GJB7: variants seen among roughly 807,000 people sequenced by gnomAD.
The protein encoded by GJB7 is gap junction protein beta 7.
For synonymous variants in GJB7, 87 were observed against 95.2 expected, an observed-to-expected ratio of 0.91 and a Z score of 0.50; for missense variants, 253 against 256.8, an observed-to-expected ratio of 0.99 and a Z score of 0.10.
At chr6:87,302,616 G>A (rs1016024097) in intron 2 of GJB7, among the ~76,000 whole-genome samples, 1 of 152,154 alleles carries the variant, frequency 6.6e-6, no homozygotes. Flanking sequence ...AGGATATTAT[G>A]CAGGAGAACT....
At chr6:87,294,358 A>G (rs1039629526) in intron 2 of GJB7, among the ~76,000 whole-genome samples, 6 of 152,236 alleles carry the variant, frequency 3.9e-5, no homozygotes, top group African/African-American at 1.2e-4. Context: ...TGAACCACAC[A>G]AGGGTGGAGG....
At chr6:87,326,947 G>T (rs550268285) in intron 1 of GJB7, among the ~76,000 whole-genome samples, 76 of 107,978 alleles carry the variant, frequency 7.0e-4, no homozygotes, top group African/African-American at 2.8e-3. Context: ...GAATCTGGGT[G>T]CTCCTGTATT....
intron 2 of GJB7, among the ~76,000 whole-genome samples, chr6:87,294,343 C>A (rs1283869589): frequency 2.0e-5 from 3 of 152,206 alleles, no homozygotes; most frequent in Admixed American, 2.0e-4. Context: ...GTGTGTCCCC[C>A]TCAATGAACC....
At chr6:87,294,910 G>A (rs1407325569) in intron 2 of GJB7, among the ~76,000 whole-genome samples, 1 of 152,166 alleles carries the variant, frequency 6.6e-6, no homozygotes, top group East Asian at 1.9e-4. Flanking sequence ...TGGAATCCTG[G>A]ACTTATTTCT....
chr6:87,315,813 A>AAG lies in GJB7; in HGVS notation c.-28+7052_-28+7053insCT, dbSNP rs1554214350. On this transcript the variant is annotated intron_variant, in intron 2 of 2. Transcript: ENST00000525899. Reference sequence around the variant, plus strand: ...TCTATCTCAAAAAAAAAAAAAAAAAAAAAGAAAGAAAGAAAGAAACAGAAT... The same window carrying AAG: ...TCTATCTCAAAAAAAAAAAAAAAAAAAGAAAGAAAGAAAGAAAGAAACAGAAT... Among the ~76,000 whole-genome samples the AAG allele has an allele frequency of 4.2e-3, 623 of 148,486 alleles. 1 individual carries two copies. Among genetic ancestry groups the AAG allele is most frequent in the African/African-American group, 0.015 (594 of 38,994 alleles).
At chr6:87,325,955 G>T (rs2127916153) in intron 1 of GJB7, among the ~76,000 whole-genome samples, 1 of 152,306 alleles carries the variant, frequency 6.6e-6, no homozygotes, top group East Asian at 1.9e-4. Flanking sequence ...CCTGTTATTG[G>T]TCTATTAAGA....
At chr6:87,291,229 C>T (rs917365189) in intron 2 of GJB7, among the ~76,000 whole-genome samples, 46 of 152,034 alleles carry the variant, frequency 3.0e-4, no homozygotes, top group African/African-American at 1.1e-3. Context: ...TTGTAATGTT[C>T]AATTTTTATT....
chr6:87,328,736 C>T (rs1198054494), intron 1 of GJB7, among the ~76,000 whole-genome samples: 2 of 152,188 alleles, frequency 1.3e-5, no homozygotes, highest in South Asian at 2.1e-4. Flanking sequence ...AGAGGTGGAG[C>T]CTACAGAGGC....
rs749681353 is a variant in GJB7 at position 87,284,356 on chromosome 6, G to T, written c.557C>A (p.Thr186Asn). ...ATTCAACACAATACACAAGCATGAG[G>T]TGATGACCAAGAAGAGGATGAAGAT... ...KTIFILFLVI[T>N]SCLCIVLNFI... The change falls in exon 3 of 3, where the codon ACC (threonine) becomes AAC (asparagine). Residue 186 changes from threonine (T) to asparagine (N), a missense_variant. Transcript: ENST00000525899. 6.2e-7 allele frequency: 1 copy of T among 1,614,114 alleles called. No homozygotes were observed. Among genetic ancestry groups the T allele is most frequent in the Non-Finnish European group, 8.5e-7 (1 of 1,179,984 alleles).
At chr6:87,326,540 G>A (rs1254101271) in intron 1 of GJB7, among the ~76,000 whole-genome samples, 1 of 151,214 alleles carries the variant, frequency 6.6e-6, no homozygotes, top group Non-Finnish European at 1.5e-5. Context: ...TAGTCATTCA[G>A]GAGCAGGTTG....
intron 2 of GJB7, among the ~76,000 whole-genome samples, chr6:87,311,625 G>T (rs1776513426): frequency 6.6e-6 from 1 of 152,208 alleles, no homozygotes; most frequent in Non-Finnish European, 1.5e-5. Flanking sequence ...AGGACTGGTG[G>T]ACACAGTAAG....
intron 1 of GJB7, among the ~76,000 whole-genome samples, chr6:87,323,875 G>A (rs1481469497): frequency 6.6e-6 from 1 of 152,060 alleles, no homozygotes; most frequent in Non-Finnish European, 1.5e-5. Flanking sequence ...GGTTGTACTG[G>A]TTTACAGGCC....
At chr6:87,315,843 A>T (rs888005589) in intron 2 of GJB7, among the ~76,000 whole-genome samples, 14 of 151,782 alleles carry the variant, frequency 9.2e-5, no homozygotes, top group Non-Finnish European at 1.6e-4. Context: ...CAGAATGGAG[A>T]CATGAGACAA....
chr6:87,311,914 C>T (rs778857544), intron 2 of GJB7, among the ~76,000 whole-genome samples: 1 of 152,020 alleles, frequency 6.6e-6, no homozygotes, highest in Non-Finnish European at 1.5e-5. Flanking sequence ...GAATATTAGA[C>T]ATCAATGGGA....
At chr6:87,306,838 T>C (rs1361296387) in intron 2 of GJB7, among the ~76,000 whole-genome samples, 1 of 152,222 alleles carries the variant, frequency 6.6e-6, no homozygotes, top group Admixed American at 6.5e-5. Flanking sequence ...TGGAATATTA[T>C]GCAGCCATAA....
chr6:87,302,025 C>A (rs1776336572), intron 2 of GJB7, among the ~76,000 whole-genome samples: 1 of 152,196 alleles, frequency 6.6e-6, no homozygotes, highest in Non-Finnish European at 1.5e-5. Flanking sequence ...AAAACCCCAT[C>A]TGTACGTCAA....
chr6:87,308,703 C>T (rs1222923883), intron 2 of GJB7, among the ~76,000 whole-genome samples: 1 of 151,952 alleles, frequency 6.6e-6, no homozygotes, highest in Non-Finnish European at 1.5e-5. Flanking sequence ...ATTCAAGAAT[C>T]TTTATGAATC....
At chr6:87,303,363 A>C (rs1429736422) in intron 2 of GJB7, among the ~76,000 whole-genome samples, 1 of 152,058 alleles carries the variant, frequency 6.6e-6, no homozygotes, top group African/African-American at 2.4e-5. Context: ...CAAAAAAAAG[A>C]AGGGGTTACA....
At chr6:87,305,683 G>C (rs1236753335) in intron 2 of GJB7, among the ~76,000 whole-genome samples, 1 of 152,158 alleles carries the variant, frequency 6.6e-6, no homozygotes, top group Non-Finnish European at 1.5e-5. Flanking sequence ...CTACTTTAAA[G>C]TTCATATGGA....
Sources: gnomAD v4.1 joint callset for allele counts (sites outside exome capture counted in the v4.1 genomes callset) on GRCh38, gnomAD v4.1.1 for gene constraint, MANE v1.5 for transcripts, NCBI Gene and HGNC (gene_info 2026-07-23, HGNC 2026-07-21) for gene names.